Variants in SUCLG1 observed in about 807,000 individuals in gnomAD.
The protein encoded by SUCLG1 is succinate-CoA ligase GDP/ADP-forming subunit alpha.
In SUCLG1, 26 loss-of-function variants were observed where a neutral mutation model predicts 37.3. That is an observed-to-expected ratio of 0.70 (90% CI 0.51 to 0.97). SUCLG1 has a LOEUF of 0.97. Ranked by LOEUF, SUCLG1 falls within the 50% of genes least tolerant of loss-of-function variation. The pLI, the probability that SUCLG1 is intolerant of heterozygous loss-of-function variation, is 0.00. For missense variants in SUCLG1, 433 were observed against 432.9 expected (o/e 1.00, Z 0.00); for synonymous variants, 163 against 155.6 (o/e 1.05, Z -0.36).
intron 5 of SUCLG1, chr2:84,433,652 T>C (rs1672643123): frequency 3.5e-6 from 2 of 568,226 alleles, no homozygotes; most frequent in East Asian, 3.0e-5. Flanking sequence ...GGAGAAAGTA[T>C]ATTATTAGTT....
chr2:84,426,340 AATAAT>A (rs1423456762), intron 7 of SUCLG1: 1 of 152,114 alleles, frequency 6.6e-6, no homozygotes, highest in Non-Finnish European at 1.5e-5. Flanking sequence ...TAGTTGAAGA[AATAAT>A]ATAAAATATG....
At chr2:84,437,028 C>A (rs1353271521) in intron 5 of SUCLG1, among the ~76,000 whole-genome samples, 1 of 152,186 alleles carries the variant, frequency 6.6e-6, no homozygotes, top group Non-Finnish European at 1.5e-5. Context: ...CAAATGACAA[C>A]CACCACAACT....
At chr2:84,424,828 T>C (rs1672510499) in intron 8 of SUCLG1, among the ~76,000 whole-genome samples, 1 of 151,898 alleles carries the variant, frequency 6.6e-6, no homozygotes, top group South Asian at 2.1e-4. Context: ...ACCCATAATG[T>C]CCTATTAAAA....
chr2:84,439,380 G>C (rs1163927627), intron 5 of SUCLG1, among the ~76,000 whole-genome samples: 1 of 152,102 alleles, frequency 6.6e-6, no homozygotes, highest in Non-Finnish European at 1.5e-5. Flanking sequence ...ACTCAGCACA[G>C]AGCATTCCTT....
chr2:84,450,579 C>G (rs774178722), intron 1 of SUCLG1, among the ~76,000 whole-genome samples: 8 of 152,182 alleles, frequency 5.3e-5, no homozygotes, highest in Non-Finnish European at 1.2e-4. Flanking sequence ...TTAATACTAA[C>G]AACCTGACTT....
At position 84,438,501 on chromosome 2, in the gene SUCLG1, A is replaced by G. The variant is rs140520343; in HGVS notation, c.589+2546T>C. Among the ~76,000 whole-genome samples, 166 of 152,362 alleles carry G rather than the reference A, an allele frequency of 1.1e-3. 2 individuals carry two copies. Among genetic ancestry groups the G allele is most frequent in the African/African-American group, 3.8e-3 (160 of 41,578 alleles). ...TCCATTACACTATTATACTGCTATT[A>G]CATTACATTATATTCCATTCAGAAA... On this transcript the variant is annotated intron_variant, in intron 5 of 8. Coordinates refer to ENST00000393868, the MANE Select transcript of SUCLG1 (RefSeq NM_003849.4).
intron 8 of SUCLG1, among the ~76,000 whole-genome samples, chr2:84,423,999 A>G (rs1287493716): frequency 6.6e-6 from 1 of 152,236 alleles, no homozygotes; most frequent in Non-Finnish European, 1.5e-5. Context: ...GCAGAGCTTC[A>G]ACTTTACATT....
intron 5 of SUCLG1, 111 bp from the exon 6 acceptor site, chr2:84,433,546 TC>T (rs1672641504): frequency 2.3e-6 from 2 of 880,816 alleles, no homozygotes; most frequent in Non-Finnish European, 3.7e-6. Flanking sequence ...TAAAATTCAT[TC>T]CATGATTTGC....
At chr2:84,428,841 T>C (rs1323785790) in intron 7 of SUCLG1, among the ~76,000 whole-genome samples, 8 of 152,196 alleles carry the variant, frequency 5.3e-5, no homozygotes. Flanking sequence ...CTTAACTCCT[T>C]CAATCTGACA....
At chr2:84,439,161 A>G (rs1018115684) in intron 5 of SUCLG1, among the ~76,000 whole-genome samples, 1 of 151,844 alleles carries the variant, frequency 6.6e-6, no homozygotes, top group East Asian at 1.9e-4. Flanking sequence ...AACTCTGGAC[A>G]CAGTGTCACA....
chr2:84,452,397 A>C (rs1331552200), intron 1 of SUCLG1, among the ~76,000 whole-genome samples: 2 of 152,230 alleles, frequency 1.3e-5, no homozygotes, highest in Non-Finnish European at 2.9e-5. Context: ...TTAAAGATTT[A>C]ATGTCCTCAA....
chr2:84,437,646 A>G (rs1170727335), intron 5 of SUCLG1, among the ~76,000 whole-genome samples: 1 of 152,224 alleles, frequency 6.6e-6, no homozygotes, highest in Non-Finnish European at 1.5e-5. Flanking sequence ...TAAACTGGAT[A>G]GCAATTCAGC....
At chr2:84,440,616 C>T (rs941170019) in intron 5 of SUCLG1, among the ~76,000 whole-genome samples, 2 of 152,118 alleles carry the variant, frequency 1.3e-5, no homozygotes, top group Admixed American at 6.5e-5. Flanking sequence ...CAAATGTTGA[C>T]CTAAGCCTTG....
At chr2:84,430,134 C>A (rs527867704) in intron 7 of SUCLG1, among the ~76,000 whole-genome samples, 1 of 152,140 alleles carries the variant, frequency 6.6e-6, no homozygotes, top group African/African-American at 2.4e-5. Flanking sequence ...GAGAGGATGA[C>A]GAATGAATCA....
intron 1 of SUCLG1, among the ~76,000 whole-genome samples, chr2:84,451,290 T>C (rs887578949): frequency 6.6e-6 from 1 of 152,194 alleles, no homozygotes; most frequent in African/African-American, 2.4e-5. Context: ...TATCATATCA[T>C]ATCATATCAT....
chr2:84,431,412 C>T (rs1037149961), intron 7 of SUCLG1, 96 bp downstream of exon 7: 12 of 1,524,166 alleles, frequency 7.9e-6, no homozygotes, highest in African/African-American at 4.2e-5. Flanking sequence ...TTCATGTTTT[C>T]TCAAAAAATT....
chr2:84,444,737 A>G (rs914299861), intron 2 of SUCLG1, among the ~76,000 whole-genome samples: 2 of 152,242 alleles, frequency 1.3e-5, no homozygotes, highest in African/African-American at 4.8e-5. Context: ...CTGCAACCAC[A>G]AAAGATGGCC....
intron 6 of SUCLG1, chr2:84,432,984 TGAATGG>T: frequency 3.4e-6 from 1 of 290,190 alleles, no homozygotes; most frequent in Non-Finnish European, 6.7e-6. Context: ...AATGAGACAC[TGAATGG>T]CAAAGAATTC....
At chr2:84,449,512 G>T in intron 2 of SUCLG1, 137 bp downstream of exon 2, 1 of 607,958 alleles carries the variant, frequency 1.6e-6, no homozygotes, top group Non-Finnish European at 2.8e-6. Flanking sequence ...ACCTCCTCCT[G>T]AGATACAACC....
Sources: allele counts gnomAD v4.1 joint callset (sites outside exome capture counted in the v4.1 genomes callset), GRCh38; gene constraint gnomAD v4.1.1; transcripts MANE v1.5; gene names NCBI Gene and HGNC (gene_info 2026-07-23, HGNC 2026-07-21).